EPHA6: variants seen among roughly 807,000 people sequenced by gnomAD.
The protein encoded by EPHA6 is ephrin type-A receptor 6.
Under a neutral mutation model 112.0 loss-of-function variants are expected in EPHA6, and 50 were observed. The ratio of observed to expected loss-of-function variants is 0.45; its 90% CI spans 0.36 to 0.56. The LOEUF (loss-of-function observed/expected upper bound fraction) is 0.56. Among genes scored for constraint, EPHA6 ranks in the 20% least tolerant of loss-of-function variants. EPHA6 has a pLI of 0.00. For missense variants in EPHA6, 1,280 were observed against 1,417.4 expected, an observed-to-expected ratio of 0.90 and a Z score of 1.56; for synonymous variants, 529 against 490.7, an observed-to-expected ratio of 1.08 and a Z score of -1.03.
intron 5 of EPHA6, among the ~76,000 whole-genome samples, chr3:97,269,824 C>A (rs755635194): frequency 6.6e-5 from 10 of 151,654 alleles, no homozygotes; most frequent in Non-Finnish European, 1.3e-4. Context: ...TTCTTCATAT[C>A]CTGCTGGATG....
rs369851182 is a variant in EPHA6, at chr3:97,421,607, T to C, written c.1731+16333T>C. Among the ~76,000 whole-genome samples the C allele has an allele frequency of 1.8e-4, 28 of 152,298 alleles. No homozygotes were observed. The East Asian group carries it at 4.8e-3, about 26-fold the overall frequency. On this transcript the variant is annotated intron_variant, in intron 6 of 17. Transcript: ENST00000389672. ...TAATAAAAATTCTAGCAGATCTCTTTGTGGAAATCAAAAAACTGATTTTAA... is the reference window on the plus strand; with the variant it reads ...TAATAAAAATTCTAGCAGATCTCTTCGTGGAAATCAAAAAACTGATTTTAA...
intron 15 of EPHA6, among the ~76,000 whole-genome samples, chr3:97,731,184 G>A (rs1290181258): frequency 6.6e-6 from 1 of 152,042 alleles, no homozygotes; most frequent in Non-Finnish European, 1.5e-5. Flanking sequence ...AGCATGATGA[G>A]TTAATTTTGA....
At chr3:97,684,159 C>T (rs1258736402) in intron 14 of EPHA6, among the ~76,000 whole-genome samples, 1 of 152,026 alleles carries the variant, frequency 6.6e-6, no homozygotes, top group Non-Finnish European at 1.5e-5. Flanking sequence ...ACTTTATATC[C>T]ACATTAGTAT....
At chr3:97,694,688 A>C (rs895393511) in intron 14 of EPHA6, among the ~76,000 whole-genome samples, 1 of 152,214 alleles carries the variant, frequency 6.6e-6, no homozygotes, top group Non-Finnish European at 1.5e-5. Context: ...TTGTTTGAGG[A>C]TGTCATTTAA....
intron 11 of EPHA6, among the ~76,000 whole-genome samples, chr3:97,576,067 G>C (rs1411738605): frequency 1.3e-5 from 2 of 152,140 alleles, no homozygotes; most frequent in Non-Finnish European, 2.9e-5. Flanking sequence ...TGTGGGGAGT[G>C]AAGGGGTAGG....
At chr3:97,649,638 TA>T (rs1032131035) in intron 14 of EPHA6, among the ~76,000 whole-genome samples, 1 of 151,872 alleles carries the variant, frequency 6.6e-6, no homozygotes, top group Non-Finnish European at 1.5e-5. Flanking sequence ...TATTTTTCAG[TA>T]AAAAAGGTGA....
chr3:97,242,415 T>A (rs934057141), intron 4 of EPHA6, among the ~76,000 whole-genome samples: 3 of 151,866 alleles, frequency 2.0e-5, no homozygotes, highest in African/African-American at 7.2e-5. Context: ...ACCACCTCTA[T>A]GAGGCTTTCT....
At chr3:97,048,508 A>T (rs1051871766) in intron 3 of EPHA6, among the ~76,000 whole-genome samples, 2 of 152,206 alleles carry the variant, frequency 1.3e-5, no homozygotes. Context: ...CATAAAGATT[A>T]TTCTTGCAGG....
intron 2 of EPHA6, among the ~76,000 whole-genome samples, chr3:96,940,289 A>G (rs1197746357): frequency 1.3e-5 from 2 of 152,164 alleles, no homozygotes; most frequent in African/African-American, 2.4e-5. Flanking sequence ...GTGCTCCTGT[A>G]TTGGGTGCAT....
Position 97,280,502 on chromosome 3 carries a change from A to G in EPHA6, c.1606+36215A>G, listed in dbSNP as rs182551315. Among the ~76,000 whole-genome samples, 33 of 152,240 alleles carry G rather than the reference A, an allele frequency of 2.2e-4. No homozygotes were observed. In the East Asian group the frequency reaches 6.4e-3, roughly 29 times the overall value. On this transcript the variant is annotated intron_variant, in intron 5 of 17. Transcript: ENST00000389672. The stretch of plus-strand genomic sequence containing the variant: ...GTCTCAGCCTTTACTCTGCCATCTG[A>G]GTAATCTTTCTCAAGGTACTTCATT...
At chr3:97,721,302 C>T (rs1453945596) in intron 15 of EPHA6, among the ~76,000 whole-genome samples, 3 of 152,202 alleles carry the variant, frequency 2.0e-5, no homozygotes, top group African/African-American at 7.2e-5. Flanking sequence ...AACCCACACA[C>T]ACCTCCACAC....
At chr3:97,517,770 A>C (rs370292864) in intron 10 of EPHA6, among the ~76,000 whole-genome samples, 1 of 152,034 alleles carries the variant, frequency 6.6e-6, no homozygotes, top group Non-Finnish European at 1.5e-5. Flanking sequence ...CCCCACACTG[A>C]ATCTGGTAAC....
At chr3:96,877,309 A>T (rs1474162652) in intron 2 of EPHA6, among the ~76,000 whole-genome samples, 2 of 152,088 alleles carry the variant, frequency 1.3e-5, no homozygotes. Flanking sequence ...CCATTTTCTC[A>T]CTATTCTCTC....
At chr3:97,023,949 A>G (rs1203965941) in intron 3 of EPHA6, among the ~76,000 whole-genome samples, 1 of 152,152 alleles carries the variant, frequency 6.6e-6, no homozygotes, top group Non-Finnish European at 1.5e-5. Context: ...ATAAAATGTC[A>G]AGGCTTATTC....
At chr3:96,961,874 T>G (rs1396785003) in intron 2 of EPHA6, among the ~76,000 whole-genome samples, 1 of 152,080 alleles carries the variant, frequency 6.6e-6, no homozygotes, top group Non-Finnish European at 1.5e-5. Context: ...TAAGTGCAGG[T>G]AGTTTATTTG....
At position 97,330,411 on chromosome 3, in the gene EPHA6, T is replaced by C. The variant is rs150245332; in HGVS notation, c.1607-74739T>C. On this transcript the variant is annotated intron_variant, in intron 5 of 17. Coordinates refer to ENST00000389672, the MANE Select transcript of EPHA6 (RefSeq NM_001080448.3). ...TGAATCTATAAATTACCTTGGGCAA[T>C]ATGGCCATTTTCATGATATTGATTC... is the stretch of plus-strand genomic sequence containing the variant. Among the ~76,000 whole-genome samples, 1,285 of 152,222 alleles carry C rather than the reference T, an allele frequency of 8.4e-3. 18 individuals are homozygous for C. Among genetic ancestry groups the C allele is most frequent in the African/African-American group, 0.03 (1,229 of 41,544 alleles).
chr3:97,500,920 A>G (rs2092101280), intron 10 of EPHA6, among the ~76,000 whole-genome samples: 1 of 152,188 alleles, frequency 6.6e-6, no homozygotes, highest in Non-Finnish European at 1.5e-5. Flanking sequence ...AAGTAAAAGT[A>G]TACAACAAAT....
At chr3:97,233,585 A>G (rs1053010968) in intron 4 of EPHA6, among the ~76,000 whole-genome samples, 3 of 152,172 alleles carry the variant, frequency 2.0e-5, no homozygotes, top group African/African-American at 7.2e-5. Context: ...TTGTATTTCT[A>G]TGAATTTGCC....
In EPHA6 at chr3:97,694,240, C is replaced by CT. The variant is rs565717126; in HGVS notation, c.2785-26009dup. Among the ~76,000 whole-genome samples the CT allele has an allele frequency of 1.0e-2, 1,444 of 144,492 alleles. 19 individuals are homozygous for CT. The highest frequency in any genetic ancestry group is 0.027 in the African/African-American group (1,063 of 39,794). 94.8% of individuals were successfully genotyped at this position (144,492 alleles called of 152,430 possible). ...GAGCCCTTTTCTTTTATTTCTTTTT[C>CT]TTTTTTTTTTTTGAGATGGAGTCTC... On this transcript the variant is annotated intron_variant, in intron 14 of 17. Transcript: ENST00000389672.
Sources: gnomAD v4.1 joint callset for allele counts (sites outside exome capture counted in the v4.1 genomes callset) on GRCh38, gnomAD v4.1.1 for gene constraint, MANE v1.5 for transcripts, NCBI Gene and HGNC (gene_info 2026-07-23, HGNC 2026-07-21) for gene names.